Variants in GPHN observed in about 807,000 individuals in gnomAD.
The protein encoded by GPHN is gephyrin.
GPHN carries 17 observed loss-of-function variants against 95.5 expected under a neutral mutation model. The observed-to-expected ratio is 0.18, with a 90% CI of 0.12 to 0.27. The LOEUF (loss-of-function observed/expected upper bound fraction) is 0.27. Among genes scored for constraint, GPHN ranks in the 10% least tolerant of loss-of-function variants. The probability of loss-of-function intolerance (pLI) is 1.00; values close to 1 mark genes in which losing one functional copy is unlikely to be tolerated. For synonymous variants in GPHN, 320 were observed against 322.5 expected, an observed-to-expected ratio of 0.99 and a Z score of 0.08; for missense variants, 660 against 978.1, an observed-to-expected ratio of 0.67 and a Z score of 4.34.
At chr14:67,433,511 T>C in the GPHN span, among the ~76,000 whole-genome samples, 1 of 152,070 alleles carries the variant, frequency 6.6e-6, no homozygotes, top group African/African-American at 2.4e-5. Flanking sequence ...AATTGTGAAG[T>C]CTAAATAGTT....
intron 2 of GPHN, among the ~76,000 whole-genome samples, chr14:66,724,401 CTCTG>C (rs1332194219): frequency 6.6e-6 from 1 of 152,154 alleles, no homozygotes; most frequent in Non-Finnish European, 1.5e-5. Context: ...TTTCTCCAAA[CTCTG>C]TCTGAGAAAA....
At chr14:67,156,409 G>A (rs1208571669) in intron 18 of GPHN, among the ~76,000 whole-genome samples, 1 of 152,074 alleles carries the variant, frequency 6.6e-6, no homozygotes, top group Non-Finnish European at 1.5e-5. Flanking sequence ...GAGTTGATAT[G>A]TTTTAAGGTT....
chr14:67,687,917 G>A, the GPHN span, among the ~76,000 whole-genome samples: 5 of 151,832 alleles, frequency 3.3e-5, no homozygotes, highest in East Asian at 1.9e-4. Context: ...GATTACAGGC[G>A]CCCGCCACCA....
At chr14:66,821,758 A>G (rs1312045603) in intron 3 of GPHN, among the ~76,000 whole-genome samples, 1 of 152,216 alleles carries the variant, frequency 6.6e-6, no homozygotes, top group Non-Finnish European at 1.5e-5. Context: ...TTTTGCTCAC[A>G]TGAAGTCTGC....
At chr14:66,701,689 C>T (rs891501273) in intron 2 of GPHN, among the ~76,000 whole-genome samples, 3 of 152,200 alleles carry the variant, frequency 2.0e-5, no homozygotes, top group Non-Finnish European at 4.4e-5. Flanking sequence ...CGTGAACCTA[C>T]GCTACCAGGG....
At chr14:66,750,265 GGT>G (rs1490645284) in intron 2 of GPHN, among the ~76,000 whole-genome samples, 3 of 151,832 alleles carry the variant, frequency 2.0e-5, no homozygotes, top group Admixed American at 6.6e-5. Context: ...AAGGCTGTCA[GGT>G]CTGTGTTTAG....
the GPHN span, chr14:67,317,536 T>A: frequency 1.1e-5 from 13 of 1,221,812 alleles, no homozygotes; most frequent in Non-Finnish European, 1.5e-5. Flanking sequence ...CTAAACCTAG[T>A]CCTGTTTTGC....
intron 3 of GPHN, among the ~76,000 whole-genome samples, chr14:66,820,698 G>GTAGC: frequency 6.6e-6 from 1 of 152,270 alleles, no homozygotes; most frequent in Admixed American, 6.5e-5. Context: ...GGAGTCCAGA[G>GTAGC]TAGCATTAGG....
intron 18 of GPHN, among the ~76,000 whole-genome samples, chr14:67,150,612 A>G (rs1002988456): frequency 2.6e-5 from 4 of 152,136 alleles, no homozygotes; most frequent in Admixed American, 2.6e-4. Flanking sequence ...AACCCAAGTG[A>G]AATAAAATGT....
intron 2 of GPHN, among the ~76,000 whole-genome samples, chr14:66,748,762 G>A (rs1417408104): frequency 6.6e-6 from 1 of 151,896 alleles, no homozygotes; most frequent in African/African-American, 2.4e-5. Context: ...TCTACACATG[G>A]CCTCAAGGTA....
chr14:67,049,064 A>G (rs557033273), intron 10 of GPHN, among the ~76,000 whole-genome samples: 154 of 152,260 alleles, frequency 1.0e-3, no homozygotes, highest in African/African-American at 3.5e-3. Context: ...ACCGGCTGCT[A>G]GGTGATAACT....
chr14:67,377,186 G>T, the GPHN span, among the ~76,000 whole-genome samples: 2 of 151,980 alleles, frequency 1.3e-5, no homozygotes, highest in African/African-American at 4.8e-5. Context: ...TCATTTTAAC[G>T]ACTTTGTTGC....
At chr14:67,442,470 G>A in the GPHN span, among the ~76,000 whole-genome samples, 1 of 152,196 alleles carries the variant, frequency 6.6e-6, no homozygotes, top group South Asian at 2.1e-4. Context: ...AGAAGGCAGA[G>A]TGAACGAGAA....
chr14:66,745,654 G>A (rs2058115443), intron 2 of GPHN, among the ~76,000 whole-genome samples: 1 of 151,934 alleles, frequency 6.6e-6, no homozygotes, highest in Non-Finnish European at 1.5e-5. Flanking sequence ...TGAAAAAAAT[G>A]TAAATTTAGA....
At chr14:66,621,202 C>T (rs1026664846) in intron 1 of GPHN, among the ~76,000 whole-genome samples, 1 of 150,516 alleles carries the variant, frequency 6.6e-6, no homozygotes, top group Non-Finnish European at 1.5e-5. Context: ...GTCTCGATTT[C>T]CTGACCTCAT....
At chr14:67,555,937 C>T in the GPHN span, 1 of 1,592,048 alleles carries the variant, frequency 6.3e-7, no homozygotes, top group East Asian at 2.3e-5. Flanking sequence ...TGACCGTCGG[C>T]CCTTCCAGGC....
chr14:67,475,295 G>A, the GPHN span, among the ~76,000 whole-genome samples: 1 of 152,132 alleles, frequency 6.6e-6, no homozygotes, highest in African/African-American at 2.4e-5. Flanking sequence ...ATCCATTGAT[G>A]GACACCTGGG....
the GPHN span, among the ~76,000 whole-genome samples, chr14:67,502,307 G>A: frequency 6.6e-6 from 1 of 151,012 alleles, no homozygotes; most frequent in African/African-American, 2.4e-5. Context: ...CTCCAGCCTG[G>A]GCAACAGAGT....
chr14:67,718,759 C>A, the GPHN span, among the ~76,000 whole-genome samples: 1 of 152,080 alleles, frequency 6.6e-6, no homozygotes. Context: ...TGGTCCCTGG[C>A]TTTTTTGATG....
Sources: gnomAD v4.1 joint callset for allele counts (sites outside exome capture counted in the v4.1 genomes callset) on GRCh38, gnomAD v4.1.1 for gene constraint, MANE v1.5 for transcripts, NCBI Gene and HGNC (gene_info 2026-07-23, HGNC 2026-07-21) for gene names.